Variants in RPS6KC1 observed in about 807,000 individuals in gnomAD.
RPS6KC1 encodes ribosomal protein S6 kinase C1, also known as inactive ribosomal protein S6 kinase delta-1.
RPS6KC1 carries 54 observed loss-of-function variants against 103.8 expected under a neutral mutation model. The ratio of observed to expected loss-of-function variants is 0.52; its 90% CI spans 0.42 to 0.65. The LOEUF (loss-of-function observed/expected upper bound fraction) is 0.65. Ranked by LOEUF, RPS6KC1 falls within the 30% of genes least tolerant of loss-of-function variation. RPS6KC1 has a pLI of 0.00. For missense variants in RPS6KC1, 1,151 were observed against 1,253.8 expected (o/e 0.92, Z 1.24); for synonymous variants, 439 against 438.7 (o/e 1.00, Z -0.01).
chr1:213,777,549 A>G, the RPS6KC1 span, among the ~76,000 whole-genome samples: 1 of 152,232 alleles, frequency 6.6e-6, no homozygotes, highest in East Asian at 1.9e-4. Context: ...ACAGATCACC[A>G]TAACAAATAT....
At chr1:213,298,750 T>C in the RPS6KC1 span, among the ~76,000 whole-genome samples, 1 of 152,186 alleles carries the variant, frequency 6.6e-6, no homozygotes, top group African/African-American at 2.4e-5. Flanking sequence ...TAGCATCTTA[T>C]TCTTGTTTTA....
chr1:213,367,204 A>T, the RPS6KC1 span, among the ~76,000 whole-genome samples: 13 of 152,172 alleles, frequency 8.5e-5, no homozygotes, highest in African/African-American at 1.2e-4. Flanking sequence ...TCCAGATTCA[A>T]TGCTTCTGTT....
At chr1:213,496,422 G>A in the RPS6KC1 span, among the ~76,000 whole-genome samples, 1 of 152,072 alleles carries the variant, frequency 6.6e-6, no homozygotes, top group Non-Finnish European at 1.5e-5. Flanking sequence ...ATGATCTTTA[G>A]TATTAAAACA....
the RPS6KC1 span, among the ~76,000 whole-genome samples, chr1:213,518,794 T>G: frequency 2.6e-5 from 4 of 152,172 alleles, no homozygotes; most frequent in Admixed American, 6.6e-5. Flanking sequence ...GTGTTATGCA[T>G]ATATAGATGG....
At chr1:213,354,918 G>C in the RPS6KC1 span, among the ~76,000 whole-genome samples, 1 of 152,164 alleles carries the variant, frequency 6.6e-6, no homozygotes, top group African/African-American at 2.4e-5. Flanking sequence ...CCAGCCCTTG[G>C]CAAGAGAGGG....
In RPS6KC1 at chr1:213,152,459, C is replaced by T. The variant is rs868126287; in HGVS notation, c.836-15399C>T. 9.3e-5 allele frequency among the ~76,000 whole-genome samples: 14 copies of T among 150,572 alleles called. No individual in the cohort carries two copies. The East Asian group carries it at 2.0e-3, about 21-fold the overall frequency. ...CTTCCCAGACGGGGCGGCTGCCGGGCGGAGGGGCTCCTCACTTCCCAGACG... is the reference window on the plus strand; with the variant it reads ...CTTCCCAGACGGGGCGGCTGCCGGGTGGAGGGGCTCCTCACTTCCCAGACG... On this transcript the variant is annotated intron_variant, in intron 6 of 14. Coordinates refer to ENST00000366960, the MANE Select transcript of RPS6KC1 (RefSeq NM_012424.6).
At chr1:213,237,972 T>G (rs548747463) in intron 10 of RPS6KC1, among the ~76,000 whole-genome samples, 1 of 152,116 alleles carries the variant, frequency 6.6e-6, no homozygotes, top group Non-Finnish European at 1.5e-5. Context: ...TTCTTACTTA[T>G]AGATTCTTTT....
the RPS6KC1 span, among the ~76,000 whole-genome samples, chr1:213,598,715 C>T: frequency 1.0e-3 from 158 of 152,016 alleles, 2 homozygotes; most frequent in Middle Eastern, 0.024. Context: ...GTCAGGAGTT[C>T]AAGACTAGCC....
At chr1:213,382,300 T>A in the RPS6KC1 span, among the ~76,000 whole-genome samples, 2 of 152,174 alleles carry the variant, frequency 1.3e-5, no homozygotes, top group Non-Finnish European at 2.9e-5. Context: ...GGGCTAATGA[T>A]CCCTGTGGGC....
At chr1:213,788,376 T>C in the RPS6KC1 span, among the ~76,000 whole-genome samples, 5 of 152,224 alleles carry the variant, frequency 3.3e-5, no homozygotes, top group Non-Finnish European at 7.3e-5. Context: ...TAGAAGTTGC[T>C]GCTTGTCATC....
the RPS6KC1 span, among the ~76,000 whole-genome samples, chr1:213,533,916 G>A: frequency 6.6e-6 from 1 of 152,194 alleles, no homozygotes; most frequent in African/African-American, 2.4e-5. Flanking sequence ...TGTGCCTAGA[G>A]GGGGCCAGTC....
intron 8 of RPS6KC1, among the ~76,000 whole-genome samples, chr1:213,220,664 T>C (rs2093808666): frequency 6.6e-6 from 1 of 152,232 alleles, no homozygotes; most frequent in Non-Finnish European, 1.5e-5. Flanking sequence ...AAAGATGCTT[T>C]TGTATAATTT....
chr1:213,312,784 C>A, the RPS6KC1 span, among the ~76,000 whole-genome samples: 1 of 152,180 alleles, frequency 6.6e-6, no homozygotes, highest in African/African-American at 2.4e-5. Context: ...TTACCTTTCT[C>A]GAGGTGTTTT....
At chr1:213,743,299 T>C in the RPS6KC1 span, among the ~76,000 whole-genome samples, 1 of 152,060 alleles carries the variant, frequency 6.6e-6, no homozygotes, top group South Asian at 2.1e-4. Flanking sequence ...GAAAACCAAA[T>C]ACCATGTGTT....
the RPS6KC1 span, among the ~76,000 whole-genome samples, chr1:213,290,769 T>G: frequency 2.0e-5 from 3 of 152,114 alleles, no homozygotes; most frequent in African/African-American, 7.2e-5. Context: ...AACCATGGGG[T>G]GCGTGAGGGA....
intron 6 of RPS6KC1, among the ~76,000 whole-genome samples, chr1:213,164,390 C>T (rs959128596): frequency 6.6e-6 from 1 of 152,152 alleles, no homozygotes; most frequent in African/African-American, 2.4e-5. Flanking sequence ...CTCATATCTA[C>T]TCAGCTACTC....
At chr1:213,051,531 G>T (rs201716224) in intron 1 of RPS6KC1, 22 bp downstream of exon 1, 1 of 1,561,242 alleles carries the variant, frequency 6.4e-7, no homozygotes, top group Admixed American at 1.7e-5. Context: ...TGTCGGGCTG[G>T]GGTAGAGCTT....
chr1:213,170,613 T>A (rs2091396107), intron 7 of RPS6KC1, among the ~76,000 whole-genome samples: 1 of 152,202 alleles, frequency 6.6e-6, no homozygotes, highest in Non-Finnish European at 1.5e-5. Flanking sequence ...GAATCTGATT[T>A]GACATGTAGG....
chr1:213,853,025 AC>A, the RPS6KC1 span, among the ~76,000 whole-genome samples: 1 of 151,788 alleles, frequency 6.6e-6, no homozygotes, highest in African/African-American at 2.4e-5. Flanking sequence ...CTTCATCTTC[AC>A]TCTATTTTGC....
Sources: allele counts gnomAD v4.1 joint callset (sites outside exome capture counted in the v4.1 genomes callset), GRCh38; gene constraint gnomAD v4.1.1; transcripts MANE v1.5; gene names NCBI Gene and HGNC (gene_info 2026-07-23, HGNC 2026-07-21).